The following GLDC variants were observed in gnomAD, a reference collection of about 807,000 sequenced individuals.
The protein encoded by GLDC is glycine dehydrogenase (decarboxylating), mitochondrial.
A neutral mutation model predicts 121.3 loss-of-function variants in GLDC; 104 were observed. The ratio of observed to expected loss-of-function variants is 0.86; its 90% CI spans 0.73 to 1.01. The LOEUF (loss-of-function observed/expected upper bound fraction) is 1.01, where lower values mean the gene tolerates loss of function less well. Among genes scored for constraint, GLDC ranks in the 50% least tolerant of loss-of-function variants. The probability of loss-of-function intolerance (pLI) is 0.00; values close to 1 mark genes in which losing one functional copy is unlikely to be tolerated. For synonymous variants in GLDC, 546 were observed against 480.6 expected, an observed-to-expected ratio of 1.14 and a Z score of -1.78; for missense variants, 1,429 against 1,306.6, an observed-to-expected ratio of 1.09 and a Z score of -1.44.
rs374033971 is a variant in GLDC at position 6,644,555 on chromosome 9, C to G, written c.334+59G>C. On this transcript the variant is annotated intron_variant, in intron 2 of 24. Transcript: ENST00000321612. ...CCCCAGAGCTCGATTTTCAGGGAAC[C>G]ACAAAAGACAAATAGGCCAGAATAA... The G allele has an allele frequency of 9.3e-6, 11 of 1,183,026 alleles. 1 individual carries two copies. In the African/African-American group the frequency reaches 1.2e-4, roughly 13 times the overall value. 73.3% of individuals were successfully genotyped at this position (1,183,026 alleles called of 1,614,324 possible).
In GLDC at chr9:6,589,190, C is replaced by G. The variant is rs764790596; in HGVS notation, c.1580+5G>C. 26 of 1,567,720 alleles carry G rather than the reference C, an allele frequency of 1.7e-5. No individual in the cohort carries two copies. Among genetic ancestry groups the G allele is most frequent in the Admixed American group, 6.7e-5 (4 of 59,978 alleles). ...AAACGCAGAAGTCACACAAGACACA[C>G]AAACCTGTTGAACACTTGATGGGTG... is the stretch of plus-strand genomic sequence containing the variant. On this transcript the variant is annotated splice_donor_5th_base_variant and intron_variant, in intron 12 of 24. Coordinates refer to ENST00000321612, the MANE Select transcript of GLDC (RefSeq NM_000170.3).
At chr9:6,579,475 G>A (rs1434682411) in intron 15 of GLDC, among the ~76,000 whole-genome samples, 1 of 151,992 alleles carries the variant, frequency 6.6e-6, no homozygotes, top group Non-Finnish European at 1.5e-5. Context: ...ACCTTTCCAA[G>A]TCACTAATTT....
chr9:6,580,205 T>G (rs16924709), intron 15 of GLDC, among the ~76,000 whole-genome samples: 8,140 of 152,212 alleles, frequency 0.053, 483 homozygotes, highest in African/African-American at 0.14. Context: ...ACTCTTACCC[T>G]CACCCTAGGG....
chr9:6,588,829 T>C, intron 12 of GLDC, 127 bp from the exon 13 acceptor site: 2 of 726,010 alleles, frequency 2.8e-6, no homozygotes, highest in South Asian at 2.9e-5. Flanking sequence ...ACGGACAATA[T>C]GTCAACTACA....
intron 8 of GLDC, among the ~76,000 whole-genome samples, chr9:6,601,726 G>C (rs570259396): frequency 6.6e-6 from 1 of 152,158 alleles, no homozygotes; most frequent in Admixed American, 6.5e-5. Flanking sequence ...CCAGATTCTG[G>C]TGATCCTCCC....
At chr9:6,639,336 C>T (rs1202781149) in intron 2 of GLDC, 5 of 937,172 alleles carry the variant, frequency 5.3e-6, no homozygotes, top group African/African-American at 3.2e-5. Context: ...GGAAGAGCGC[C>T]CCCAGGAGAA....
chr9:6,599,720 C>CAAAAAAAAAAAA (rs549444099), intron 8 of GLDC, among the ~76,000 whole-genome samples: 16 of 120,732 alleles, frequency 1.3e-4, no homozygotes, highest in African/African-American at 5.4e-4. Context: ...GACTCCATCT[C>CAAAAAAAAAAAA]AAAAAAAAAA....
chr9:6,645,679 A>G lies in GLDC; in HGVS notation c.-180T>C. On this transcript the variant is annotated 5_prime_UTR_variant, in exon 1 of 25. Transcript: ENST00000321612. ...TGAATGGGCGCTGCGCTCAACCAAG[A>G]CACTCGCGCAAAGTTGTGGCTCCAC... 2.7e-6 allele frequency: 1 copy of G among 365,636 alleles called. No homozygotes were observed. Among genetic ancestry groups the G allele is most frequent in the Non-Finnish European group, 4.5e-6 (1 of 220,830 alleles). The allele number at this position is 365,636 out of a possible 1,614,324, so 22.6% of individuals were successfully genotyped here.
rs549003333 is a variant in GLDC at position 6,546,818 on chromosome 9, C to G, written c.2569+3985G>C. 1.9e-3 allele frequency among the ~76,000 whole-genome samples: 292 copies of G among 151,898 alleles called. 1 individual carries two copies. The highest frequency in any genetic ancestry group is 6.5e-3 in the African/African-American group (270 of 41,426). On this transcript the variant is annotated intron_variant, in intron 21 of 24. Transcript: ENST00000321612. ...CTCTACTAAAAATACAAAAATCAGC[C>G]AAGCGTGGTGATGAACACCTGTAGT...
intron 15 of GLDC, among the ~76,000 whole-genome samples, chr9:6,568,631 T>C (rs1165625519): frequency 6.6e-6 from 1 of 151,974 alleles, no homozygotes; most frequent in Non-Finnish European, 1.5e-5. Flanking sequence ...GCGGATCACC[T>C]GAGATCAGGA....
intron 23 of GLDC, among the ~76,000 whole-genome samples, chr9:6,535,695 T>A (rs1018774567): frequency 2.0e-4 from 30 of 152,176 alleles, no homozygotes; most frequent in African/African-American, 6.0e-4. Context: ...CAAATGTCAA[T>A]CCAGTTTTCT....
intron 2 of GLDC, among the ~76,000 whole-genome samples, chr9:6,644,057 A>AAAAACCG (rs1819686892): frequency 6.8e-6 from 1 of 147,228 alleles, no homozygotes; most frequent in African/African-American, 2.5e-5. Flanking sequence ...AAAACGAAAA[A>AAAAACCG]AAAAAGAAAA....
At chr9:6,598,088 G>A (rs1336982742) in intron 8 of GLDC, among the ~76,000 whole-genome samples, 2 of 152,176 alleles carry the variant, frequency 1.3e-5, no homozygotes, top group Non-Finnish European at 2.9e-5. Flanking sequence ...GAGTGCAGTG[G>A]TGTGATTGCA....
chr9:6,629,938 T>TATGTATATATATATGTATATATATATAC (rs1262860853), intron 2 of GLDC, among the ~76,000 whole-genome samples: 1 of 84,260 alleles, frequency 1.2e-5, no homozygotes, highest in Non-Finnish European at 2.0e-5. Context: ...ACTATATATA[T>TATGTATATATATATGTATATATATATAC]ATATATGTAT....
At chr9:6,541,771 G>A (rs1275815307) in intron 21 of GLDC, 1 of 137,754 alleles carries the variant, frequency 7.3e-6, no homozygotes, top group Non-Finnish European at 1.5e-5. Flanking sequence ...TGGTTGCAGT[G>A]AGCCGAGATG....
chr9:6,555,143 C>T (rs1386667824), intron 18 of GLDC, among the ~76,000 whole-genome samples: 2 of 152,238 alleles, frequency 1.3e-5, no homozygotes, highest in African/African-American at 4.8e-5. Flanking sequence ...ATAGGCAACT[C>T]TTCCCTGAGC....
At chr9:6,575,260 T>C (rs1230321919) in intron 15 of GLDC, among the ~76,000 whole-genome samples, 1 of 150,348 alleles carries the variant, frequency 6.7e-6, no homozygotes, top group Non-Finnish European at 1.5e-5. Flanking sequence ...ATGGGCTCCA[T>C]CCCCAGCGAA....
chr9:6,610,931 T>A (rs747280843), intron 3 of GLDC, among the ~76,000 whole-genome samples: 3 of 152,238 alleles, frequency 2.0e-5, no homozygotes, highest in Non-Finnish European at 4.4e-5. Context: ...GAAATTTCAT[T>A]TGCTATTATC....
At chr9:6,538,627 T>C (rs553336746) in intron 22 of GLDC, among the ~76,000 whole-genome samples, 6 of 152,336 alleles carry the variant, frequency 3.9e-5, no homozygotes, top group Non-Finnish European at 8.8e-5. Context: ...GAAACGGTTC[T>C]ATCAATCTTC....
Sources: gnomAD v4.1 joint callset for allele counts (sites outside exome capture counted in the v4.1 genomes callset) on GRCh38, gnomAD v4.1.1 for gene constraint, MANE v1.5 for transcripts, NCBI Gene and HGNC (gene_info 2026-07-23, HGNC 2026-07-21) for gene names.